The following UBXN11 variants were observed in gnomAD, a reference collection of about 807,000 sequenced individuals.
UBXN11 encodes the protein UBX domain protein 11, also known as UBX domain-containing protein 11.
A neutral mutation model predicts 62.8 loss-of-function variants in UBXN11; 47 were observed. The observed-to-expected ratio is 0.75, with a 90% confidence interval of 0.59 to 0.95. The LOEUF is 0.95. UBXN11 is among the 40% of genes least tolerant of loss of function. UBXN11 has a pLI of 0.00. For synonymous variants in UBXN11, 294 were observed against 267.0 expected (o/e 1.10, Z -0.99); for missense variants, 638 against 661.7 (o/e 0.96, Z 0.39).
intron 1 of UBXN11, among the ~76,000 whole-genome samples, chr1:26,317,011 T>C (rs1230481711): frequency 2.0e-5 from 3 of 151,272 alleles, no homozygotes; most frequent in Admixed American, 6.6e-5. Context: ...GGCGGATCAC[T>C]TGAGATCAGG....
intron 10 of UBXN11, 95 bp downstream of exon 10, chr1:26,285,369 C>T (rs2073103937): frequency 1.3e-6 from 2 of 1,549,358 alleles, no homozygotes; most frequent in Non-Finnish European, 1.7e-6. Context: ...GGGAGTGCAG[C>T]GGCTTCCCCT....
intron 1 of UBXN11, among the ~76,000 whole-genome samples, chr1:26,314,061 T>A (rs1570149141): frequency 6.6e-6 from 1 of 152,200 alleles, no homozygotes; most frequent in East Asian, 1.9e-4. Flanking sequence ...ATTACAGGTG[T>A]TAGCCACCGC....
intron 10 of UBXN11, 63 bp from the exon 11 acceptor site, chr1:26,284,545 C>G: frequency 6.6e-7 from 1 of 1,525,074 alleles, no homozygotes; most frequent in Non-Finnish European, 8.8e-7. Flanking sequence ...GCCCCACTTT[C>G]ATCCCTATTT....
upstream of UBXN11, chr1:26,306,834 G>GTGGTT (rs534727835): frequency 7.5e-5 from 3 of 40,110 alleles, no homozygotes; most frequent in East Asian, 9.0e-4. Context: ...CGGGGTGGGG[G>GTGGTT]GGGGGGGTGG....
At chr1:26,308,963 T>G (rs1182908961), upstream of UBXN11, among the ~76,000 whole-genome samples, 1 of 133,362 alleles carries the variant, frequency 7.5e-6, no homozygotes, top group Non-Finnish European at 1.6e-5. Context: ...TTTTTGAGTC[T>G]TGCTCTGTCA....
At chr1:26,285,641 G>A (rs2073113212) in intron 9 of UBXN11, 100 bp from the exon 10 acceptor site, 6 of 1,387,586 alleles carry the variant, frequency 4.3e-6, no homozygotes, top group Non-Finnish European at 5.8e-6. Flanking sequence ...GGGTCACCCA[G>A]TGCCGCACTC....
intron 1 of UBXN11, among the ~76,000 whole-genome samples, chr1:26,313,782 C>CTTTTTTTTTTTTT (rs56037016): frequency 7.9e-6 from 1 of 125,904 alleles, no homozygotes; most frequent in African/African-American, 2.9e-5. Flanking sequence ...AATTTTTTTT[C>CTTTTTTTTTTTTT]TTTTTTTTTT....
chr1:26,316,490 G>A (rs985012333), intron 1 of UBXN11, among the ~76,000 whole-genome samples: 1 of 151,878 alleles, frequency 6.6e-6, no homozygotes, highest in African/African-American at 2.4e-5. Context: ...GTGTAGGGGA[G>A]GGGGAGGGAG....
chr1:26,315,397 T>A (rs994427058), intron 1 of UBXN11, among the ~76,000 whole-genome samples: 1 of 152,174 alleles, frequency 6.6e-6, no homozygotes, highest in Non-Finnish European at 1.5e-5. Context: ...AACACGGGTA[T>A]CCTGTCTTCT....
chr1:26,316,242 T>TA (rs2073793618), intron 1 of UBXN11, among the ~76,000 whole-genome samples: 1 of 151,464 alleles, frequency 6.6e-6, no homozygotes, highest in Admixed American at 6.6e-5. Context: ...CTGCTAGGAT[T>TA]ACAGGCGTAG....
intron 8 of UBXN11, among the ~76,000 whole-genome samples, chr1:26,287,906 CTTTT>C (rs11307343): frequency 1.4e-5 from 2 of 139,186 alleles, no homozygotes; most frequent in Admixed American, 7.1e-5. Context: ...TGCCTCAACC[CTTTT>C]TTTTTTTTTT....
upstream of UBXN11, chr1:26,306,704 C>G (rs945521752): frequency 1.3e-5 from 2 of 152,116 alleles, no homozygotes; most frequent in African/African-American, 4.8e-5. Context: ...GCCTGAGCAA[C>G]CTGCAGACAG....
chr1:26,297,209 C>T (rs915599258), intron 6 of UBXN11, among the ~76,000 whole-genome samples: 5 of 152,182 alleles, frequency 3.3e-5, no homozygotes, highest in African/African-American at 1.2e-4. Context: ...CTCCTCCACA[C>T]TTCAGATGGG....
chr1:26,309,430 G>A (rs1007800152), upstream of UBXN11, among the ~76,000 whole-genome samples: 5 of 150,948 alleles, frequency 3.3e-5, no homozygotes, highest in Non-Finnish European at 5.9e-5. Flanking sequence ...AGTAGAGATG[G>A]GGTTTCACCA....
chr1:26,313,052 T>G (rs1570148187), intron 1 of UBXN11, among the ~76,000 whole-genome samples: 1 of 141,028 alleles, frequency 7.1e-6, no homozygotes, highest in Admixed American at 7.2e-5. Context: ...CGTGGATAGG[T>G]GAATGAATGG....
upstream of UBXN11, among the ~76,000 whole-genome samples, chr1:26,310,331 A>G (rs1382245294): frequency 6.6e-6 from 1 of 152,174 alleles, no homozygotes; most frequent in Admixed American, 6.5e-5. Context: ...TAAGGTCAGG[A>G]GTTTGAGACC....
Position 26,286,012 on chromosome 1 carries a change from C to A in UBXN11, c.585G>T (p.Val195=). 1.9e-6 allele frequency: 3 copies of A among 1,610,124 alleles called. No homozygotes were observed. The highest frequency in any genetic ancestry group is 2.5e-6 in the Non-Finnish European group (3 of 1,177,270). Residue 195 remains valine (V), a synonymous_variant, in exon 9 of 15, where the codon GTG becomes GTT. Coordinates refer to ENST00000374222, the MANE Select transcript of UBXN11 (RefSeq NM_001389556.1). ...KPGDSLAPPE[V]DFDRLLASLQ... ...GGCTGGCCAGCAGCCTGTCAAAGTC[C>A]ACCTCAGGGGGCGCCAATGAGTCCC...
At chr1:26,301,187 C>T in intron 3 of UBXN11, 163 bp from the exon 4 acceptor site, 1 of 1,389,306 alleles carries the variant, frequency 7.2e-7, no homozygotes, top group African/African-American at 1.4e-5. Context: ...CAGAATGGGG[C>T]TGTTTTGGAG....
At chr1:26,294,147 C>G in intron 8 of UBXN11, 58 bp downstream of exon 8, 1 of 1,600,068 alleles carries the variant, frequency 6.2e-7, no homozygotes, top group Non-Finnish European at 8.5e-7. Flanking sequence ...TGCCGGCCAA[C>G]AGCAAACTGT....
Sources: allele counts gnomAD v4.1 joint callset (sites outside exome capture counted in the v4.1 genomes callset), GRCh38; gene constraint gnomAD v4.1.1; transcripts MANE v1.5; gene names NCBI Gene and HGNC (gene_info 2026-07-23, HGNC 2026-07-21).